The following DENND1A variants were observed in gnomAD, a reference collection of about 807,000 sequenced individuals.
The protein encoded by DENND1A is DENN domain containing 1A, also known as DENN domain-containing protein 1A.
A neutral mutation model predicts 113.7 loss-of-function variants in DENND1A; 51 were observed. The observed-to-expected ratio is 0.45, with a 90% CI of 0.36 to 0.57. The LOEUF is 0.57. Ranked by LOEUF, DENND1A falls within the 20% of genes least tolerant of loss-of-function variation. The pLI, the probability that DENND1A is intolerant of heterozygous loss-of-function variation, is 0.00. For synonymous variants in DENND1A, 565 were observed against 570.8 expected (o/e 0.99, Z 0.14); for missense variants, 1,258 against 1,395.9 (o/e 0.90, Z 1.57).
chr9:123,674,565 T>A (rs2063950440), intron 6 of DENND1A, among the ~76,000 whole-genome samples: 1 of 152,144 alleles, frequency 6.6e-6, no homozygotes, highest in African/African-American at 2.4e-5. Flanking sequence ...AGATTTCCTA[T>A]CATCTGTGTC....
At chr9:123,686,243 A>T (rs572317564) in intron 5 of DENND1A, among the ~76,000 whole-genome samples, 22 of 152,344 alleles carry the variant, frequency 1.4e-4, no homozygotes, top group African/African-American at 4.6e-4. Context: ...GAGAAAATTG[A>T]GTCGTAGAGA....
chr9:123,857,567 GC>G lies in DENND1A; in HGVS notation c.88+21383del, dbSNP rs573770914. 1.8e-4 allele frequency among the ~76,000 whole-genome samples: 27 copies of G among 152,254 alleles called. No individual in the cohort carries two copies. The East Asian group carries it at 4.0e-3, about 23-fold the overall frequency. ...ATCAAAAGATCATCACCAGTAAAGG[GC>G]CAAATCAAAATTGTGTATTATGTGA... On this transcript the variant is annotated intron_variant, in intron 2 of 23. Transcript: ENST00000394215.
At chr9:123,677,677 G>A (rs1055692233) in intron 5 of DENND1A, among the ~76,000 whole-genome samples, 4 of 152,168 alleles carry the variant, frequency 2.6e-5, no homozygotes, top group African/African-American at 9.7e-5. Context: ...CAGGTTATCT[G>A]CCTGCCTCGG....
intron 21 of DENND1A, chr9:123,401,762 A>G (rs1418967536): frequency 6.2e-7 from 1 of 1,612,812 alleles, no homozygotes; most frequent in Non-Finnish European, 8.5e-7. Context: ...TTTGGCACAC[A>G]CTGCGAAGTC....
intron 9 of DENND1A, among the ~76,000 whole-genome samples, chr9:123,640,364 C>T (rs2061962602): frequency 6.6e-6 from 1 of 152,150 alleles, no homozygotes; most frequent in African/African-American, 2.4e-5. Context: ...CAGCTACAGG[C>T]CAGTCAGGGG....
intron 12 of DENND1A, among the ~76,000 whole-genome samples, chr9:123,560,381 G>C (rs2057676022): frequency 6.6e-6 from 1 of 152,222 alleles, no homozygotes; most frequent in African/African-American, 2.4e-5. Context: ...ACTAAACTGA[G>C]TGAAGATGGG....
At position 123,827,392 on chromosome 9, in the gene DENND1A, A is replaced by AATATAT. The variant is rs56805562; in HGVS notation, c.89-34768_89-34763dup. On this transcript the variant is annotated intron_variant, in intron 2 of 23. Coordinates refer to ENST00000394215, the MANE Select transcript of DENND1A (RefSeq NM_001352964.2). ...TGAATAATTTCATTAATGGATATAT[A>AATATAT]ATATATATATATATATATATATATA... Among the ~76,000 whole-genome samples, 333 of 140,772 alleles carry AATATAT rather than the reference A, an allele frequency of 2.4e-3. 1 individual carries two copies. The highest frequency in any genetic ancestry group is 6.3e-3 in the African/African-American group (244 of 38,562). The allele number at this position is 140,772 out of a possible 152,430, so 92.4% of individuals were successfully genotyped here.
At chr9:123,597,038 G>A (rs2059725505) in intron 11 of DENND1A, among the ~76,000 whole-genome samples, 2 of 152,190 alleles carry the variant, frequency 1.3e-5, no homozygotes, top group Non-Finnish European at 2.9e-5. Context: ...TGTGGGGGAT[G>A]TTGATTCCCT....
chr9:123,462,182 C>T (rs1190826088), intron 13 of DENND1A, among the ~76,000 whole-genome samples: 1 of 152,220 alleles, frequency 6.6e-6, no homozygotes, highest in African/African-American at 2.4e-5. Flanking sequence ...CCTGGAGCAA[C>T]TCACCTTGTA....
chr9:123,552,003 G>A (rs572418139), intron 13 of DENND1A, among the ~76,000 whole-genome samples: 409 of 147,160 alleles, frequency 2.8e-3, no homozygotes, highest in Middle Eastern at 6.9e-3. Context: ...GAGAGAGAGC[G>A]AGAGAGAGCG....
At chr9:123,845,735 G>A (rs937474315) in intron 2 of DENND1A, among the ~76,000 whole-genome samples, 10 of 133,546 alleles carry the variant, frequency 7.5e-5, no homozygotes, top group Admixed American at 3.6e-4. Context: ...CCAAATGTAA[G>A]AGCTAAAACC....
At chr9:123,695,998 A>C (rs76391787) in intron 5 of DENND1A, among the ~76,000 whole-genome samples, 9 of 150,538 alleles carry the variant, frequency 6.0e-5, no homozygotes, top group Middle Eastern at 3.4e-3. Flanking sequence ...AAAAAAAAAA[A>C]CCCACACCAA....
chr9:123,527,579 C>T (rs1293304915), intron 13 of DENND1A, among the ~76,000 whole-genome samples: 1 of 152,168 alleles, frequency 6.6e-6, no homozygotes, highest in African/African-American at 2.4e-5. Flanking sequence ...GTATCACTTC[C>T]TCCAGGGCAC....
At chr9:123,917,989 C>T (rs12000175) in intron 1 of DENND1A, among the ~76,000 whole-genome samples, 10,961 of 150,794 alleles carry the variant, frequency 0.073, 651 homozygotes, top group African/African-American at 0.16. Context: ...TGGCGGGCAC[C>T]TGTAGTCCCA....
intron 8 of DENND1A, among the ~76,000 whole-genome samples, chr9:123,660,563 GA>G (rs140642675): frequency 0.064 from 9,564 of 150,120 alleles, 355 homozygotes; most frequent in South Asian, 0.096. Flanking sequence ...ATTCTTAAAA[GA>G]AAAAAAAAAT....
chr9:123,921,116 T>C (rs182078328), intron 1 of DENND1A, among the ~76,000 whole-genome samples: 1 of 152,344 alleles, frequency 6.6e-6, no homozygotes, highest in East Asian at 1.9e-4. Context: ...TGTAATACTA[T>C]AAAAAGGAAC....
chr9:123,607,161 ACTGAACTTTATATTCATCTC>A (rs1267177861), intron 11 of DENND1A, among the ~76,000 whole-genome samples: 2 of 152,130 alleles, frequency 1.3e-5, no homozygotes, highest in African/African-American at 4.8e-5. Context: ...GTGACTATGC[ACTGAACTTTATATTCATCTC>A]CATACCTCCA....
chr9:123,922,930 C>T (rs1386151038), intron 1 of DENND1A, among the ~76,000 whole-genome samples: 1 of 152,140 alleles, frequency 6.6e-6, no homozygotes, highest in African/African-American at 2.4e-5. Context: ...CCTGAATACT[C>T]GGAAAGAATG....
chr9:123,444,276 T>C (rs914016830), intron 18 of DENND1A, among the ~76,000 whole-genome samples: 3 of 152,208 alleles, frequency 2.0e-5, no homozygotes, highest in African/African-American at 4.8e-5. Context: ...TGGATATTTG[T>C]CTAGAAAAAA....
Sources: allele counts gnomAD v4.1 joint callset (sites outside exome capture counted in the v4.1 genomes callset), GRCh38; gene constraint gnomAD v4.1.1; transcripts MANE v1.5; gene names NCBI Gene and HGNC (gene_info 2026-07-23, HGNC 2026-07-21).